The following GALNT15 variants were observed in gnomAD, a reference collection of about 807,000 sequenced individuals.
GALNT15 encodes the protein polypeptide N-acetylgalactosaminyltransferase 15, also known as UDP-GalNAc transferase T15.
Under a neutral mutation model 66.8 loss-of-function variants are expected in GALNT15, and 67 were observed. That is an observed-to-expected ratio of 1.00 (90% CI 0.82 to 1.23). The LOEUF is 1.23. GALNT15 is among the 50% of genes most tolerant of loss of function. The pLI, the probability that GALNT15 is intolerant of heterozygous loss-of-function variation, is 0.00. For synonymous variants in GALNT15, 313 were observed against 311.5 expected (o/e 1.00, Z -0.05); for missense variants, 827 against 804.3 (o/e 1.03, Z -0.34).
intron 6 of GALNT15, among the ~76,000 whole-genome samples, chr3:16,215,170 T>C (rs1039636): frequency 0.39 from 59,687 of 152,138 alleles, 12,297 homozygotes; most frequent in East Asian, 0.57. Flanking sequence ...TTACAGAACT[T>C]CAACCTTCTT....
intron 3 of GALNT15, among the ~76,000 whole-genome samples, chr3:16,205,083 A>G (rs1027466175): frequency 5.3e-5 from 8 of 152,322 alleles, no homozygotes; most frequent in Non-Finnish European, 1.0e-4. Context: ...ATCGTACTTC[A>G]TACCCTTCAG....
intron 1 of GALNT15, among the ~76,000 whole-genome samples, chr3:16,185,534 C>T (rs1559676398): frequency 6.6e-6 from 1 of 152,124 alleles, no homozygotes; most frequent in African/African-American, 2.4e-5. Flanking sequence ...ATGACAAGCA[C>T]GACTCCCTGT....
chr3:16,216,371 C>T (rs1385014866), intron 6 of GALNT15, among the ~76,000 whole-genome samples: 1 of 151,942 alleles, frequency 6.6e-6, no homozygotes, highest in African/African-American at 2.4e-5. Context: ...TGGTGGTGTG[C>T]ACCTGTAGTG....
Position 16,184,312 on chromosome 3 carries a change from C to T in GALNT15, c.539+8622C>T, listed in dbSNP as rs894319305. 2.6e-5 allele frequency among the ~76,000 whole-genome samples: 4 copies of T among 152,144 alleles called. No homozygotes were observed. The highest frequency in any genetic ancestry group is 9.7e-5 in the African/African-American group (4 of 41,404). On this transcript the variant is annotated intron_variant, in intron 1 of 9. Coordinates refer to ENST00000339732, the MANE Select transcript of GALNT15 (RefSeq NM_054110.5). This position sits in a 1 kb window ranked among gnomAD's most constrained non-coding sequence, Gnocchi z 5.0. Reference sequence around the variant, plus strand: ...TCTTCCTGGATCCTCTGCATAAGTCCCTAGTCACTTGGGGCCTTGCTTTAT... The same window carrying T: ...TCTTCCTGGATCCTCTGCATAAGTCTCTAGTCACTTGGGGCCTTGCTTTAT...
the GALNT15 span, among the ~76,000 whole-genome samples, chr3:16,247,660 C>A: frequency 4.5e-4 from 68 of 152,358 alleles, no homozygotes; most frequent in Non-Finnish European, 8.1e-4. Context: ...AATCAGATAA[C>A]CTGGGAAAGT....
chr3:16,229,104 T>A lies in GALNT15; in HGVS notation c.*1604T>A. ...CTTAGAAATCTTCCCCTAAAGATGC[T>A]AATCTCCTTTGGGCTGTCTCAGAAC... On this transcript the variant is annotated 3_prime_UTR_variant, in exon 10 of 10. Transcript: ENST00000339732. The A allele has an allele frequency of 1.0e-6, 1 of 985,460 alleles. No individual in the cohort carries two copies. The highest frequency in any genetic ancestry group is 1.2e-6 in the Non-Finnish European group (1 of 829,926). 61.0% of individuals were successfully genotyped at this position (985,460 alleles called of 1,614,324 possible).
chr3:16,231,839 C>A, downstream of GALNT15: 1 of 1,536,394 alleles, frequency 6.5e-7, no homozygotes, highest in Non-Finnish European at 8.7e-7. This position sits in a 1 kb window ranked among gnomAD's most constrained non-coding sequence, Gnocchi z 4.1. Flanking sequence ...TATCAAAGGC[C>A]TTTAACTTTT....
rs1374485246 is a variant in GALNT15, at chr3:16,189,094, A to T, written c.540-6666A>T. Reference sequence around the variant, plus strand: ...CCTGCATTTTAACAACAACAACAAAAAAAGGAAGCCACCAAAGCCACTGGA... The same window carrying T: ...CCTGCATTTTAACAACAACAACAAATAAAGGAAGCCACCAAAGCCACTGGA... On this transcript the variant is annotated intron_variant, in intron 1 of 9. Transcript: ENST00000339732. The surrounding 1 kb of genome is among the most constrained non-coding windows in gnomAD (Gnocchi z 5.1). Among the ~76,000 whole-genome samples, 3 of 152,240 alleles carry T rather than the reference A, an allele frequency of 2.0e-5. No homozygotes were observed. The highest frequency in any genetic ancestry group is 3.9e-4 in the East Asian group (2 of 5,190).
At chr3:16,238,825 T>G in the GALNT15 span, among the ~76,000 whole-genome samples, 4 of 152,196 alleles carry the variant, frequency 2.6e-5, no homozygotes, top group Non-Finnish European at 5.9e-5. This position sits in a 1 kb window ranked among gnomAD's most constrained non-coding sequence, Gnocchi z 4.8. Flanking sequence ...CAAAATTAGG[T>G]GCATTGGTTT....
At chr3:16,202,466 C>G (rs1471067579) in intron 3 of GALNT15, among the ~76,000 whole-genome samples, 1 of 152,180 alleles carries the variant, frequency 6.6e-6, no homozygotes, top group Non-Finnish European at 1.5e-5. Context: ...AACCCCATCT[C>G]TACTAAAAAT....
the GALNT15 span, among the ~76,000 whole-genome samples, chr3:16,241,326 G>C: frequency 6.6e-6 from 1 of 152,104 alleles, no homozygotes; most frequent in Non-Finnish European, 1.5e-5. The surrounding 1 kb of genome is among the most constrained non-coding windows in gnomAD (Gnocchi z 4.6). Context: ...GAAACAAGCA[G>C]AATGAAAGTG....
At chr3:16,190,637 CAAAAAAAAAAAA>C (rs34205852) in intron 1 of GALNT15, among the ~76,000 whole-genome samples, 1 of 98,644 alleles carries the variant, frequency 1.0e-5, no homozygotes, top group African/African-American at 3.9e-5. Context: ...GACTCCGTAT[CAAAAAAAAAAAA>C]AAAAAAAAGA....
intron 8 of GALNT15, among the ~76,000 whole-genome samples, chr3:16,221,226 A>T (rs1398116345): frequency 2.0e-5 from 3 of 149,864 alleles, no homozygotes; most frequent in African/African-American, 7.3e-5. Flanking sequence ...AGCCTCCTTC[A>T]TGCAAAAGGA....
At chr3:16,190,559 G>A (rs959588535) in intron 1 of GALNT15, among the ~76,000 whole-genome samples, 19 of 150,548 alleles carry the variant, frequency 1.3e-4, no homozygotes, top group Non-Finnish European at 1.9e-4. Flanking sequence ...AATGGCGTGA[G>A]CCCGGGAGGC....
chr3:16,175,575 G>C lies in GALNT15; in HGVS notation c.424G>C (p.Glu142Gln). ...GGACTGGGGGGCTGATGAGGACGGGGAGGTGTCTGAAGAAGAGGAGTTGAC... is the reference window on the plus strand; with the variant it reads ...GGACTGGGGGGCTGATGAGGACGGGCAGGTGTCTGAAGAAGAGGAGTTGAC... The part of the protein sequence containing the change: ...KRDWGADEDG[E>Q]VSEEEELTPF... The change falls in exon 1 of 10, where the codon GAG (glutamate) becomes CAG (glutamine). Residue 142 changes from glutamate to glutamine, a missense_variant. Physicochemically the swap from Glu to Gln is conservative, Grantham distance 29. Transcript: ENST00000339732. The surrounding 1 kb of genome is among the most constrained non-coding windows in gnomAD (Gnocchi z 5.6). 1.2e-6 allele frequency: 2 copies of C among 1,613,896 alleles called. No homozygotes were observed. Among genetic ancestry groups the C allele is most frequent in the Non-Finnish European group, 1.7e-6 (2 of 1,179,994 alleles).
chr3:16,213,098 T>C (rs937481267), intron 6 of GALNT15, among the ~76,000 whole-genome samples: 1 of 151,974 alleles, frequency 6.6e-6, no homozygotes, highest in African/African-American at 2.4e-5. Flanking sequence ...TCTCCTTTCA[T>C]CCTGAGCAAA....
At chr3:16,205,333 T>C (rs1488145277) in intron 3 of GALNT15, among the ~76,000 whole-genome samples, 1 of 152,244 alleles carries the variant, frequency 6.6e-6, no homozygotes, top group Non-Finnish European at 1.5e-5. Flanking sequence ...TTATTCTTTA[T>C]TGTGGTAAAA....
intron 8 of GALNT15, among the ~76,000 whole-genome samples, chr3:16,220,973 A>C (rs553040866): frequency 7.9e-5 from 12 of 152,348 alleles, no homozygotes; most frequent in African/African-American, 2.6e-4. Flanking sequence ...AGGGATGCAG[A>C]CATAAACATC....
At position 16,187,052 on chromosome 3, in the gene GALNT15, T is replaced by C. The variant is rs1429114846; in HGVS notation, c.540-8708T>C. The stretch of plus-strand genomic sequence containing the variant: ...AGGCCGAGGCGGGTGGATCATGAGG[T>C]CAGGAGTTCAAGACCAGCCTGACCA... On this transcript the variant is annotated intron_variant, in intron 1 of 9. Coordinates refer to ENST00000339732, the MANE Select transcript of GALNT15 (RefSeq NM_054110.5). This position sits in a 1 kb window ranked among gnomAD's most constrained non-coding sequence, Gnocchi z 5.1. 6.6e-6 allele frequency among the ~76,000 whole-genome samples: 1 copy of C among 151,886 alleles called. No homozygotes were observed. Among genetic ancestry groups the C allele is most frequent in the African/African-American group, 2.4e-5 (1 of 41,328 alleles).
Sources: allele counts gnomAD v4.1 joint callset (sites outside exome capture counted in the v4.1 genomes callset), GRCh38; gene constraint gnomAD v4.1.1; non-coding constraint Gnocchi (gnomAD v3.1); transcripts MANE v1.5; gene names NCBI Gene and HGNC (gene_info 2026-07-23, HGNC 2026-07-21).